The following GOLGB1 variants were observed in gnomAD, a reference collection of about 807,000 sequenced individuals.
GOLGB1 encodes golgin B1.
GOLGB1 carries 174 observed loss-of-function variants against 336.9 expected under a neutral mutation model. The ratio of observed to expected loss-of-function variants is 0.52; its 90% CI spans 0.46 to 0.59. GOLGB1 has a LOEUF of 0.59. GOLGB1 is among the 20% of genes least tolerant of loss of function. GOLGB1 has a pLI of 0.00. For synonymous variants in GOLGB1, 1,208 were observed against 1,289.2 expected, an observed-to-expected ratio of 0.94 and a Z score of 1.35; for missense variants, 3,331 against 3,645.3, an observed-to-expected ratio of 0.91 and a Z score of 2.22.
At position 121,696,418 on chromosome 3, in the gene GOLGB1, C is replaced by T; in HGVS notation, c.4105G>A (p.Glu1369Lys). The T allele has an allele frequency of 1.9e-6, 3 of 1,614,116 alleles. No homozygotes were observed. The change falls in exon 13 of 22, where the codon GAA becomes AAA. Residue 1369 changes from glutamate (E) to lysine (K), a missense_variant. Glu to Lys is a moderately conservative substitution (Grantham distance 56). Transcript: ENST00000614479. The stretch of plus-strand genomic sequence containing the variant: ...TGCTGCAGGCTTTCGGCATGGACTT[C>T]AGCTTCATGGGATACTGTCTTTAGA... ...ESLKTVSHEA[E>K]VHAESLQQKL...
At chr3:121,739,352 T>C (rs983455781) in intron 1 of GOLGB1, among the ~76,000 whole-genome samples, 3 of 151,702 alleles carry the variant, frequency 2.0e-5, no homozygotes, top group Non-Finnish European at 2.9e-5. Flanking sequence ...CATGATAACA[T>C]CCCGACAGAA....
At chr3:121,721,625 C>T (rs1440629678) in intron 6 of GOLGB1, among the ~76,000 whole-genome samples, 1 of 152,046 alleles carries the variant, frequency 6.6e-6, no homozygotes, top group African/African-American at 2.4e-5. Flanking sequence ...CAGAGTGAGA[C>T]CCAATTTCAA....
intron 10 of GOLGB1, among the ~76,000 whole-genome samples, chr3:121,703,678 T>C (rs547733623): frequency 9.5e-4 from 145 of 152,244 alleles, no homozygotes; most frequent in African/African-American, 3.4e-3. Context: ...TAAAAAGTAA[T>C]TGAAATTTTA....
Position 121,692,290 on chromosome 3 carries a change from C to G in GOLGB1, c.7074G>C (p.Lys2358Asn), listed in dbSNP as rs754411553. The G allele has an allele frequency of 1.2e-6, 2 of 1,611,580 alleles. No individual in the cohort carries two copies. Among genetic ancestry groups the G allele is most frequent in the Non-Finnish European group, 1.7e-6 (2 of 1,179,376 alleles). The change falls in exon 14 of 22, where the codon AAG (lysine) becomes AAC (asparagine). Residue 2358 changes from lysine (K) to asparagine (N), a missense_variant. Coordinates refer to ENST00000614479, the MANE Select transcript of GOLGB1 (RefSeq NM_001366282.2). ...RQQEADIQNS[K>N]FSYEQLETDL... Reference sequence around the variant, plus strand: ...CAGTCTCCAGTTGTTCATAACTGAACTTAGAATTTTGAATATCAGCCTCTT... The same window carrying G: ...CAGTCTCCAGTTGTTCATAACTGAAGTTAGAATTTTGAATATCAGCCTCTT...
At chr3:121,719,883 G>C (rs1352463562) in intron 6 of GOLGB1, 115 bp from the exon 7 acceptor site, 5 of 856,898 alleles carry the variant, frequency 5.8e-6, no homozygotes, top group Admixed American at 7.7e-5. Flanking sequence ...GCTTTTTAAA[G>C]TGAAATTTTG....
intron 15 of GOLGB1, among the ~76,000 whole-genome samples, chr3:121,681,302 G>A (rs1218825972): frequency 6.6e-6 from 1 of 152,206 alleles, no homozygotes; most frequent in Non-Finnish European, 1.5e-5. Flanking sequence ...GTTGCTAGGG[G>A]TTAAGGATGT....
rs1649235391 is a variant in GOLGB1, at chr3:121,698,790, A to G, written c.1733T>C (p.Ile578Thr). The change falls in exon 13 of 22, where the codon ATT becomes ACT. Residue 578 changes from isoleucine (I) to threonine (T), a missense_variant. Coordinates refer to ENST00000614479, the MANE Select transcript of GOLGB1 (RefSeq NM_001366282.2). ...LLEMKEAQEEIAFLKLQLQGK... is the reference protein window; with the variant it reads ...LLEMKEAQEETAFLKLQLQGK... Reference sequence around the variant, plus strand: ...CTGGAGCTGTAATTTAAGAAATGCAATTTCCTCTTGAGCTTCTTTCATTTC... The same window carrying G: ...CTGGAGCTGTAATTTAAGAAATGCAGTTTCCTCTTGAGCTTCTTTCATTTC... The G allele has an allele frequency of 1.9e-6, 3 of 1,613,548 alleles. No individual in the cohort carries two copies. The highest frequency in any genetic ancestry group is 2.7e-5 in the African/African-American group (2 of 74,866).
intron 5 of GOLGB1, among the ~76,000 whole-genome samples, chr3:121,723,998 C>T (rs1166893078): frequency 6.6e-6 from 1 of 152,152 alleles, no homozygotes; most frequent in African/African-American, 2.4e-5. Context: ...TCTCAGCCTC[C>T]ATAACTTCTT....
chr3:121,718,334 G>GA (rs1484743718), intron 8 of GOLGB1, 54 bp downstream of exon 8: 1 of 1,146,762 alleles, frequency 8.7e-7, no homozygotes, highest in Non-Finnish European at 1.3e-6. Context: ...CCTGGCAAAC[G>GA]AAAGTGGAAA....
rs1156984373 is a variant in GOLGB1, at chr3:121,698,932, A to C, written c.1594-3T>G. 1 of 1,511,802 alleles carries C rather than the reference A, an allele frequency of 6.6e-7. No individual in the cohort carries two copies. The allele number at this position is 1,511,802 out of a possible 1,614,324, so 93.6% of individuals were successfully genotyped here. On this transcript the variant is annotated splice_polypyrimidine_tract_variant and splice_region_variant and intron_variant, in intron 12 of 21. Coordinates refer to ENST00000614479, the MANE Select transcript of GOLGB1 (RefSeq NM_001366282.2). The stretch of plus-strand genomic sequence containing the variant: ...TTGGCAATATCAACAATGCTGATCT[A>C]TTTTTAAAAAAGAAAAAAAAAGCTG...
intron 10 of GOLGB1, among the ~76,000 whole-genome samples, chr3:121,702,803 A>T (rs1377875216): frequency 6.6e-6 from 1 of 152,264 alleles, no homozygotes; most frequent in Non-Finnish European, 1.5e-5. Context: ...ATTTCACACA[A>T]ATATCAAGTT....
chr3:121,688,831 G>A (rs1417350571), intron 14 of GOLGB1, among the ~76,000 whole-genome samples: 2 of 149,712 alleles, frequency 1.3e-5, no homozygotes, highest in Non-Finnish European at 3.0e-5. Context: ...GCCTCTGCCC[G>A]GCCGCGACCC....
At chr3:121,701,773 G>GA (rs149270634) in intron 11 of GOLGB1, among the ~76,000 whole-genome samples, 10 of 149,572 alleles carry the variant, frequency 6.7e-5, no homozygotes, top group Admixed American at 3.3e-4. Flanking sequence ...AGCAAAGATG[G>GA]AAAAAAAAAT....
chr3:121,730,046 C>A (rs1945970547), intron 2 of GOLGB1, 29 bp from the exon 3 acceptor site: 1 of 1,570,374 alleles, frequency 6.4e-7, no homozygotes, highest in South Asian at 1.1e-5. Flanking sequence ...GTTGCCAGTG[C>A]ACCAGGAAAA....
rs770745092 is a variant in GOLGB1, at chr3:121,729,302, T to C, written c.288A>G (p.Leu96=). ...TTAATTTGGCCTTCGCATGAAGTTT[T>C]AGTTTTTTAATTTTGTTATCAGCAG... The part of the protein sequence containing the change: ...RKAADNKIKK[L]KLHAKAKLTS... Residue 96 remains leucine, a synonymous_variant, in exon 4 of 22, where the codon CTA becomes CTG. Transcript: ENST00000614479. 1.9e-6 allele frequency: 3 copies of C among 1,613,018 alleles called. No homozygotes were observed. Among genetic ancestry groups the C allele is most frequent in the Admixed American group, 3.3e-5 (2 of 59,948 alleles).
At chr3:121,727,470 G>A (rs565999504) in intron 4 of GOLGB1, among the ~76,000 whole-genome samples, 28 of 151,390 alleles carry the variant, frequency 1.8e-4, no homozygotes, top group African/African-American at 6.8e-4. Flanking sequence ...GGAAGAAATG[G>A]TACCGAGTTT....
intron 16 of GOLGB1, 47 bp from the exon 17 acceptor site, chr3:121,677,077 T>G: frequency 1.2e-6 from 2 of 1,608,154 alleles, no homozygotes; most frequent in Non-Finnish European, 1.7e-6. Context: ...AGATTGCGCA[T>G]GCTTAATTCC....
chr3:121,733,287 CAAAA>C (rs35457720), intron 1 of GOLGB1, among the ~76,000 whole-genome samples: 1 of 64,650 alleles, frequency 1.5e-5, no homozygotes, highest in African/African-American at 7.5e-5. Context: ...TGCTCCGTCT[CAAAA>C]AAAAAAAAAA....
chr3:121,726,297 G>C (rs991552077), intron 5 of GOLGB1, among the ~76,000 whole-genome samples: 7 of 151,270 alleles, frequency 4.6e-5, no homozygotes, highest in African/African-American at 1.5e-4. Flanking sequence ...AGCCAGGCAT[G>C]GTGGTGCATG....
Sources: gnomAD v4.1 joint callset for allele counts (sites outside exome capture counted in the v4.1 genomes callset) on GRCh38, gnomAD v4.1.1 for gene constraint, MANE v1.5 for transcripts, NCBI Gene and HGNC (gene_info 2026-07-23, HGNC 2026-07-21) for gene names.